Variants in WDR49 observed in about 807,000 individuals in gnomAD.
The protein encoded by WDR49 is WD repeat domain 49, also known as cilia- and flagella-associated protein 337.
In WDR49, 107 loss-of-function variants were observed where a neutral mutation model predicts 119.5. That is an observed-to-expected ratio of 0.90 (90% CI 0.77 to 1.05). The LOEUF is 1.05. Ranked by LOEUF, WDR49 falls within the 50% of genes least tolerant of loss-of-function variation. The probability of loss-of-function intolerance (pLI) is 0.00; values close to 1 mark genes in which losing one functional copy is unlikely to be tolerated. For missense variants in WDR49, 1,240 were observed against 1,220.5 expected (o/e 1.02, Z -0.24); for synonymous variants, 425 against 418.8 (o/e 1.01, Z -0.18).
chr3:167,512,720 T>C (rs1422548474), intron 16 of WDR49, among the ~76,000 whole-genome samples: 2 of 152,122 alleles, frequency 1.3e-5, no homozygotes, highest in African/African-American at 4.8e-5. Context: ...CGATAAAACA[T>C]TACAGGAGCT....
intron 2 of WDR49, among the ~76,000 whole-genome samples, chr3:167,641,450 G>A (rs1047197327): frequency 2.6e-5 from 4 of 151,786 alleles, no homozygotes; most frequent in Admixed American, 6.6e-5. Context: ...TTGGCCCTCT[G>A]ACCTGTTCTC....
chr3:167,506,861 T>C (rs953881447), intron 16 of WDR49, among the ~76,000 whole-genome samples: 19 of 152,172 alleles, frequency 1.2e-4, no homozygotes, highest in Admixed American at 7.9e-4. Flanking sequence ...ACTTGTTGGA[T>C]TTTTTTGGTA....
intron 10 of WDR49, among the ~76,000 whole-genome samples, chr3:167,546,249 T>TA (rs1263309935): frequency 6.6e-6 from 1 of 152,008 alleles, no homozygotes; most frequent in South Asian, 2.1e-4. Context: ...TAACATGACA[T>TA]AAAAAATAGT....
At chr3:167,598,850 A>T (rs947400712) in intron 7 of WDR49, among the ~76,000 whole-genome samples, 1 of 152,246 alleles carries the variant, frequency 6.6e-6, no homozygotes, top group Non-Finnish European at 1.5e-5. Flanking sequence ...TAAAGGTCCC[A>T]GTTTGGAATC....
chr3:167,549,077 T>C (rs1031507230), intron 10 of WDR49, among the ~76,000 whole-genome samples: 2 of 152,226 alleles, frequency 1.3e-5, no homozygotes, highest in African/African-American at 4.8e-5. Flanking sequence ...CACATTTTCT[T>C]AATCCAGTCT....
intron 18 of WDR49, among the ~76,000 whole-genome samples, chr3:167,497,875 C>CTTTTTT (rs10634534): frequency 1.6e-5 from 2 of 128,224 alleles, no homozygotes; most frequent in Non-Finnish European, 1.6e-5. Flanking sequence ...CATATTCATT[C>CTTTTTT]TTTTTTTTTT....
intron 7 of WDR49, among the ~76,000 whole-genome samples, chr3:167,591,544 T>A (rs551806382): frequency 6.6e-6 from 1 of 152,228 alleles, no homozygotes; most frequent in East Asian, 1.9e-4. Context: ...ATCTCTCTAT[T>A]TAAGTCTAAT....
chr3:167,644,612 T>G (rs1718032401), intron 2 of WDR49, among the ~76,000 whole-genome samples: 1 of 152,180 alleles, frequency 6.6e-6, no homozygotes, highest in Non-Finnish European at 1.5e-5. Flanking sequence ...ATACTCCAGT[T>G]TGTAAGTGAT....
chr3:167,528,138 C>A, intron 14 of WDR49, 121 bp from the exon 15 acceptor site: 4 of 736,796 alleles, frequency 5.4e-6, no homozygotes, highest in South Asian at 2.9e-5. Context: ...GATCCAAATG[C>A]AAAAGAAAAG....
chr3:167,480,290 A>G (rs1017716560), intron 18 of WDR49, among the ~76,000 whole-genome samples: 2 of 150,294 alleles, frequency 1.3e-5, no homozygotes, highest in Non-Finnish European at 3.0e-5. Flanking sequence ...AATAACTACT[A>G]TTAGAATAAC....
chr3:167,602,265 G>A lies in WDR49; in HGVS notation c.1137C>T (p.Gly379=). The change falls in exon 7 of 19, where the codon GGC becomes GGT. Residue 379 remains glycine, a synonymous_variant. Transcript: ENST00000682715. ...TCCAAAGGCAAACTTTATTGTTAAT[G>A]CCAGCAGTTGCTAATCAGAATTAGA... ...HSRLNLIATA[G]INNKVCLWNP... The A allele has an allele frequency of 6.4e-7, 1 of 1,572,392 alleles. No homozygotes were observed. The highest frequency in any genetic ancestry group is 8.7e-7 in the Non-Finnish European group (1 of 1,152,498).
intron 10 of WDR49, among the ~76,000 whole-genome samples, chr3:167,550,779 GAGA>G (rs1712510940): frequency 7.9e-6 from 1 of 126,310 alleles, no homozygotes; most frequent in African/African-American, 3.2e-5. Context: ...TTTTTTTTTT[GAGA>G]GAGAGAGAGA....
chr3:167,522,001 GA>G (rs1346793450), intron 16 of WDR49, among the ~76,000 whole-genome samples: 91 of 147,364 alleles, frequency 6.2e-4, no homozygotes, highest in East Asian at 4.7e-3. Flanking sequence ...TAGATAGATA[GA>G]TAGATAGATA....
At chr3:167,574,441 T>C (rs763015515) in intron 8 of WDR49, among the ~76,000 whole-genome samples, 4 of 152,220 alleles carry the variant, frequency 2.6e-5, no homozygotes, top group South Asian at 4.1e-4. Context: ...CAGCAGCTAA[T>C]AGGAAATGCT....
intron 16 of WDR49, among the ~76,000 whole-genome samples, chr3:167,512,130 C>T (rs1466409617): frequency 1.3e-5 from 2 of 152,136 alleles, no homozygotes; most frequent in East Asian, 3.9e-4. Flanking sequence ...TAAGAGGGTC[C>T]CTGATTCTGT....
At chr3:167,605,199 C>T (rs1292964704) in intron 5 of WDR49, among the ~76,000 whole-genome samples, 5 of 151,992 alleles carry the variant, frequency 3.3e-5, no homozygotes, top group Non-Finnish European at 7.4e-5. Flanking sequence ...GAAAATAGCT[C>T]AATGCATTCC....
At chr3:167,533,681 A>G (rs775845845) in intron 11 of WDR49, among the ~76,000 whole-genome samples, 4 of 152,100 alleles carry the variant, frequency 2.6e-5, no homozygotes, top group Admixed American at 6.6e-5. Flanking sequence ...CTCTTCACAG[A>G]GAACAGAGAA....
At chr3:167,613,657 A>T (rs528472803) in intron 5 of WDR49, among the ~76,000 whole-genome samples, 3 of 152,180 alleles carry the variant, frequency 2.0e-5, no homozygotes, top group Non-Finnish European at 2.9e-5. Context: ...TAGTGCAGCA[A>T]TTAGCAGCTG....
chr3:167,504,997 T>C (rs1346142051), intron 17 of WDR49, among the ~76,000 whole-genome samples: 1 of 152,230 alleles, frequency 6.6e-6, no homozygotes, highest in Non-Finnish European at 1.5e-5. Flanking sequence ...TGCAGAACTG[T>C]GAGCCAATTA....
Sources: allele counts gnomAD v4.1 joint callset (sites outside exome capture counted in the v4.1 genomes callset), GRCh38; gene constraint gnomAD v4.1.1; transcripts MANE v1.5; gene names NCBI Gene and HGNC (gene_info 2026-07-23, HGNC 2026-07-21).